Variants in DOCK2 observed in about 807,000 individuals in gnomAD.
DOCK2 encodes the protein dedicator of cytokinesis protein 2.
Under a neutral mutation model 248.9 loss-of-function variants are expected in DOCK2, and 87 were observed. The observed-to-expected ratio is 0.35, with a 90% CI of 0.29 to 0.42. The LOEUF (loss-of-function observed/expected upper bound fraction) is 0.42. Ranked by LOEUF, DOCK2 falls within the 10% of genes least tolerant of loss-of-function variation. The pLI is 1.00. For missense variants in DOCK2, 1,747 were observed against 2,300.2 expected (o/e 0.76, Z 4.92); for synonymous variants, 805 against 821.6 (o/e 0.98, Z 0.35).
chr5:169,933,203 T>C (rs1775837261), intron 27 of DOCK2, among the ~76,000 whole-genome samples: 1 of 152,206 alleles, frequency 6.6e-6, no homozygotes, highest in Non-Finnish European at 1.5e-5. Context: ...ATGAATGATA[T>C]GTCACCATGG....
intron 22 of DOCK2, among the ~76,000 whole-genome samples, chr5:169,720,838 C>T (rs991425360): frequency 2.0e-5 from 3 of 152,374 alleles, no homozygotes; most frequent in Non-Finnish European, 2.9e-5. Context: ...TCAACTGATT[C>T]TCCTGCCTCA....
chr5:169,640,826 T>G (rs1454228154), intron 1 of DOCK2, among the ~76,000 whole-genome samples: 1 of 152,264 alleles, frequency 6.6e-6, no homozygotes, highest in Non-Finnish European at 1.5e-5. Context: ...CTGTTGATTC[T>G]TATTTGCATC....
At chr5:170,066,420 G>A (rs541520720) in intron 44 of DOCK2, among the ~76,000 whole-genome samples, 1 of 152,298 alleles carries the variant, frequency 6.6e-6, no homozygotes, top group South Asian at 2.1e-4. Flanking sequence ...GACATTAGGA[G>A]ATCTAGAGGG....
At chr5:169,750,028 G>T (rs767364028) in intron 23 of DOCK2, among the ~76,000 whole-genome samples, 1 of 152,182 alleles carries the variant, frequency 6.6e-6, no homozygotes, top group Non-Finnish European at 1.5e-5. Context: ...TGCCATGAGA[G>T]AGGCTATAGG....
intron 27 of DOCK2, among the ~76,000 whole-genome samples, chr5:169,880,189 G>A (rs1772557755): frequency 6.6e-6 from 1 of 152,198 alleles, no homozygotes; most frequent in South Asian, 2.1e-4. Context: ...GAGGTGAAAG[G>A]CATTTATCTG....
intron 27 of DOCK2, chr5:169,980,554 AAC>A (rs1777905643): frequency 6.6e-6 from 1 of 151,994 alleles, no homozygotes; most frequent in Non-Finnish European, 1.5e-5. Flanking sequence ...GAGCAGAGGA[AAC>A]ACACGCTCCT....
At chr5:169,824,251 C>T (rs1337384600) in intron 26 of DOCK2, among the ~76,000 whole-genome samples, 1 of 152,104 alleles carries the variant, frequency 6.6e-6, no homozygotes, top group African/African-American at 2.4e-5. Context: ...TGACTTTCTT[C>T]ACAGAATTGG....
At chr5:169,697,953 A>G (rs112747070) in intron 10 of DOCK2, among the ~76,000 whole-genome samples, 4 of 152,302 alleles carry the variant, frequency 2.6e-5, no homozygotes, top group African/African-American at 9.6e-5. Context: ...ATGCTTATGA[A>G]AAGAGGGTGG....
intron 49 of DOCK2, 60 bp downstream of exon 49, chr5:170,079,206 G>A: frequency 6.4e-7 from 1 of 1,565,764 alleles, no homozygotes; most frequent in Admixed American, 1.9e-5. Flanking sequence ...CTACATGCTG[G>A]GCACAAAACC....
chr5:169,712,076 C>T (rs370387967), intron 16 of DOCK2, 44 bp from the exon 17 acceptor site: 3 of 1,613,418 alleles, frequency 1.9e-6, no homozygotes, highest in Non-Finnish European at 2.5e-6. Flanking sequence ...AGCTGGGTGG[C>T]CCATGTATCA....
At chr5:169,829,293 C>T (rs756807143) in intron 26 of DOCK2, among the ~76,000 whole-genome samples, 27 of 152,262 alleles carry the variant, frequency 1.8e-4, no homozygotes, top group African/African-American at 3.9e-4. Context: ...CTCAAAAAAG[C>T]GGCATGCATT....
intron 27 of DOCK2, among the ~76,000 whole-genome samples, chr5:169,874,410 CAAA>C (rs34525811): frequency 8.3e-5 from 6 of 72,020 alleles, no homozygotes; most frequent in Admixed American, 1.7e-4. Context: ...GACTCTGTCT[CAAA>C]AAAAAAAAAA....
At position 169,764,467 on chromosome 5, in the gene DOCK2, G is replaced by C. The variant is rs1280743690; in HGVS notation, c.2554+2842G>C. 6.6e-6 allele frequency among the ~76,000 whole-genome samples: 1 copy of C among 152,170 alleles called. No homozygotes were observed. The highest frequency in any genetic ancestry group is 2.4e-5 in the African/African-American group (1 of 41,426). On this transcript the variant is annotated intron_variant, in intron 25 of 51. Coordinates refer to ENST00000520908, the MANE Select transcript of DOCK2 (RefSeq NM_004946.3). The surrounding 1 kb of genome is among the most constrained non-coding windows in gnomAD (Gnocchi z 4.3). ...TTTTTACATGACTGTGTGACTATGGGTAATTTTCTAAACCTCTCTGATTCT... is the reference window on the plus strand; with the variant it reads ...TTTTTACATGACTGTGTGACTATGGCTAATTTTCTAAACCTCTCTGATTCT...
chr5:169,912,621 A>ATG (rs59287791), intron 27 of DOCK2, among the ~76,000 whole-genome samples: 42,752 of 150,416 alleles, frequency 0.28, 6,012 homozygotes, highest in East Asian at 0.39. Flanking sequence ...GGTGGAGTGT[A>ATG]TGTGTGTGTG....
At chr5:169,780,168 A>T (rs1437012985) in intron 25 of DOCK2, among the ~76,000 whole-genome samples, 1 of 152,178 alleles carries the variant, frequency 6.6e-6, no homozygotes, top group Admixed American at 6.5e-5. Flanking sequence ...TTGCCCATCC[A>T]GCGTGAGCCC....
chr5:169,727,088 A>T (rs1762515946), intron 22 of DOCK2, among the ~76,000 whole-genome samples: 1 of 151,180 alleles, frequency 6.6e-6, no homozygotes, highest in Admixed American at 6.6e-5. Flanking sequence ...AAAAGAAAAA[A>T]GAAAGAAAGA....
chr5:169,907,834 G>T (rs879502360), intron 27 of DOCK2, among the ~76,000 whole-genome samples: 1 of 152,190 alleles, frequency 6.6e-6, no homozygotes, highest in Non-Finnish European at 1.5e-5. Context: ...CTGGGAGGGG[G>T]TGCTACTGGC....
chr5:169,918,093 C>T (rs1328538491), intron 27 of DOCK2, among the ~76,000 whole-genome samples: 1 of 152,146 alleles, frequency 6.6e-6, no homozygotes, highest in Non-Finnish European at 1.5e-5. Context: ...GGGAAAAAGT[C>T]AAACCTTAGT....
At chr5:169,669,375 A>T in intron 3 of DOCK2, 47 bp downstream of exon 3, 1 of 1,604,064 alleles carries the variant, frequency 6.2e-7, no homozygotes, top group Non-Finnish European at 8.5e-7. Flanking sequence ...AGGTCTTCAT[A>T]TGGCCCCGCT....
Sources: gnomAD v4.1 joint callset for allele counts (sites outside exome capture counted in the v4.1 genomes callset) on GRCh38, gnomAD v4.1.1 for gene constraint, Gnocchi (gnomAD v3.1) non-coding constraint, MANE v1.5 for transcripts, NCBI Gene and HGNC (gene_info 2026-07-23, HGNC 2026-07-21) for gene names.